CMTM7: variants seen among roughly 807,000 people sequenced by gnomAD.
CMTM7 encodes CKLF like MARVEL transmembrane domain containing 7.
In CMTM7, 7 loss-of-function variants were observed where a neutral mutation model predicts 19.3. That is an observed-to-expected ratio of 0.36 (90% confidence interval 0.21 to 0.68). The LOEUF is 0.68. Among genes scored for constraint, CMTM7 ranks in the 30% least tolerant of loss-of-function variants. The probability of loss-of-function intolerance (pLI) is 0.60; values close to 1 mark genes in which losing one functional copy is unlikely to be tolerated. For missense variants in CMTM7, 193 were observed against 232.6 expected (o/e 0.83, Z 1.11); for synonymous variants, 87 against 99.3 (o/e 0.88, Z 0.74).
chr3:32,410,622 G>GCTTTTGACTTT (rs1696158025), intron 1 of CMTM7, among the ~76,000 whole-genome samples: 1 of 151,234 alleles, frequency 6.6e-6, no homozygotes, highest in Admixed American at 6.6e-5. Context: ...GCTGGGAAAA[G>GCTTTTGACTTT]TCACAGAGAG....
chr3:32,421,574 C>G (rs1696344684), intron 1 of CMTM7, among the ~76,000 whole-genome samples: 1 of 152,188 alleles, frequency 6.6e-6, no homozygotes, highest in South Asian at 2.1e-4. Flanking sequence ...TCCTCTATTC[C>G]TCACAAATTG....
intron 1 of CMTM7, among the ~76,000 whole-genome samples, chr3:32,429,043 C>G (rs1696474831): frequency 6.6e-6 from 1 of 152,224 alleles, no homozygotes; most frequent in Non-Finnish European, 1.5e-5. Context: ...ATTGCACTTT[C>G]ATTCAGTTTA....
intron 1 of CMTM7, among the ~76,000 whole-genome samples, chr3:32,426,949 A>T (rs545603360): frequency 6.6e-6 from 1 of 152,368 alleles, no homozygotes; most frequent in East Asian, 1.9e-4. Flanking sequence ...GCTATATTAT[A>T]TACTTACTTT....
chr3:32,404,142 CTTTTTTTTTCT>C lies in CMTM7; in HGVS notation c.159+12086_159+12096del, dbSNP rs555159702. On this transcript the variant is annotated intron_variant, in intron 1 of 4. Coordinates refer to ENST00000334983, the MANE Select transcript of CMTM7 (RefSeq NM_138410.4). ...CCTTTGTTTAATCTTTTCTTTCTTTCTTTTTTTTTCTTTTTTTTTCTTTTTTTTTTTTTTTG... is the reference window on the plus strand; with the variant it reads ...CCTTTGTTTAATCTTTTCTTTCTTTCTTTTTTTTCTTTTTTTTTTTTTTTG... 2.4e-3 allele frequency among the ~76,000 whole-genome samples: 267 copies of C among 109,022 alleles called. 4 individuals are homozygous for C. The highest frequency in any genetic ancestry group is 0.01 in the Middle Eastern group (2 of 200). 71.5% of individuals were successfully genotyped at this position (109,022 alleles called of 152,430 possible). A position where few individuals can be genotyped will look rare whatever the true frequency, so the allele number is the denominator to read the frequency against.
At chr3:32,423,017 A>G (rs1336668212) in intron 1 of CMTM7, among the ~76,000 whole-genome samples, 1 of 152,248 alleles carries the variant, frequency 6.6e-6, no homozygotes, top group Non-Finnish European at 1.5e-5. Flanking sequence ...ACAAAACCTC[A>G]GTGGCATACA....
intron 1 of CMTM7, among the ~76,000 whole-genome samples, chr3:32,409,597 A>G (rs1559403140): frequency 6.6e-6 from 1 of 152,130 alleles, no homozygotes; most frequent in Admixed American, 6.6e-5. Context: ...ATTTCCTTCA[A>G]TCTGGAACAG....
At position 32,441,850 on chromosome 3, in the gene CMTM7, T is replaced by C; in HGVS notation, c.170T>C (p.Leu57Pro). The C allele has an allele frequency of 6.2e-7, 1 of 1,614,118 alleles. No individual in the cohort carries two copies. Among genetic ancestry groups the C allele is most frequent in the East Asian group, 2.2e-5 (1 of 44,886 alleles). The stretch of plus-strand genomic sequence containing the variant: ...CTATTTATGTGGCAGGTCACCCTGC[T>C]GATTGCCTTCATCTGTGTGCGGAGC... ...LLKVAQMVTL[L>P]IAFICVRSSL... Residue 57 changes from leucine (L) to proline (P), a missense_variant, in exon 2 of 5, where the codon CTG becomes CCG. Coordinates refer to ENST00000334983, the MANE Select transcript of CMTM7 (RefSeq NM_138410.4).
At chr3:32,416,393 TTTTTGA>T (rs1696265524) in intron 1 of CMTM7, among the ~76,000 whole-genome samples, 5 of 97,430 alleles carry the variant, frequency 5.1e-5, no homozygotes, top group Non-Finnish European at 1.0e-4. Context: ...TTTTTTTTTT[TTTTTGA>T]GACGGAGTCT....
At chr3:32,418,871 C>A (rs1222879073) in intron 1 of CMTM7, among the ~76,000 whole-genome samples, 1 of 152,152 alleles carries the variant, frequency 6.6e-6, no homozygotes, top group African/African-American at 2.4e-5. Flanking sequence ...ATTCCTTGCC[C>A]TTTTCATATG....
chr3:32,442,684 T>G lies in CMTM7; in HGVS notation c.333+671T>G, dbSNP rs147415958. 4.6e-5 allele frequency among the ~76,000 whole-genome samples: 7 copies of G among 152,204 alleles called. No individual in the cohort carries two copies. In the East Asian group the frequency reaches 1.2e-3, roughly 25 times the overall value. On this transcript the variant is annotated intron_variant, in intron 2 of 4. Transcript: ENST00000334983. Reference sequence around the variant, plus strand: ...GGATTGAATGATAGGATTTTCTGGCTAAAAGAGACTAGTGGGGGCTGAGGA... The same window carrying G: ...GGATTGAATGATAGGATTTTCTGGCGAAAAGAGACTAGTGGGGGCTGAGGA...
intron 4 of CMTM7, 45 bp from the exon 5 acceptor site, chr3:32,454,196 G>A (rs1559417059): frequency 1.9e-6 from 3 of 1,562,400 alleles, no homozygotes; most frequent in Middle Eastern, 1.7e-4. Context: ...TTGTGGGTGG[G>A]CCACATCCCT....
At chr3:32,405,636 G>C (rs1224792929) in intron 1 of CMTM7, among the ~76,000 whole-genome samples, 2 of 152,180 alleles carry the variant, frequency 1.3e-5, no homozygotes, top group African/African-American at 4.8e-5. Flanking sequence ...GCGCCTGTGG[G>C]CCTATCTACT....
At chr3:32,417,821 TTTTG>T (rs1245274795) in intron 1 of CMTM7, among the ~76,000 whole-genome samples, 2 of 151,710 alleles carry the variant, frequency 1.3e-5, no homozygotes, top group African/African-American at 4.8e-5. Flanking sequence ...TTGGTTTTTT[TTTTG>T]TTTGTTTATT....
chr3:32,406,281 T>C (rs1696090087), intron 1 of CMTM7, among the ~76,000 whole-genome samples: 1 of 152,232 alleles, frequency 6.6e-6, no homozygotes, highest in Admixed American at 6.5e-5. Context: ...TTTCTCCCTT[T>C]TGTTATCTAG....
chr3:32,441,428 T>C (rs960006940), intron 1 of CMTM7, among the ~76,000 whole-genome samples: 2 of 152,246 alleles, frequency 1.3e-5, no homozygotes, highest in Admixed American at 6.5e-5. Flanking sequence ...CCATCAAATA[T>C]TGGCAACTTC....
At chr3:32,428,444 G>C (rs934606628) in intron 1 of CMTM7, among the ~76,000 whole-genome samples, 1 of 152,200 alleles carries the variant, frequency 6.6e-6, no homozygotes, top group Admixed American at 6.5e-5. Context: ...TGTCAATTAG[G>C]AAGGGGTTTA....
chr3:32,393,314 A>G (rs1575105380), intron 1 of CMTM7, among the ~76,000 whole-genome samples: 1 of 152,210 alleles, frequency 6.6e-6, no homozygotes, highest in South Asian at 2.1e-4. Context: ...GTACAAAAAA[A>G]TCTGGTGCTG....
intron 1 of CMTM7, among the ~76,000 whole-genome samples, chr3:32,414,630 G>A (rs570645362): frequency 7.2e-4 from 109 of 152,258 alleles, no homozygotes; most frequent in Non-Finnish European, 1.3e-3. Flanking sequence ...TTCATACACA[G>A]GAAGAGATTC....
intron 1 of CMTM7, among the ~76,000 whole-genome samples, chr3:32,420,654 C>A (rs576174583): frequency 1.3e-5 from 2 of 152,194 alleles, no homozygotes; most frequent in Non-Finnish European, 2.9e-5. Context: ...AAGGTGTCCA[C>A]GCCATAGTCC....
Sources: allele counts gnomAD v4.1 joint callset (sites outside exome capture counted in the v4.1 genomes callset), GRCh38; gene constraint gnomAD v4.1.1; transcripts MANE v1.5; gene names NCBI Gene and HGNC (gene_info 2026-07-23, HGNC 2026-07-21).